The following TMEM135 variants were observed in gnomAD, a reference collection of about 807,000 sequenced individuals.
TMEM135 encodes the protein transmembrane protein 135, also known as peroxisomal membrane protein 52.
In TMEM135, 30 loss-of-function variants were observed where a neutral mutation model predicts 60.3. The observed-to-expected ratio is 0.50, with a 90% confidence interval of 0.37 to 0.68. The LOEUF (loss-of-function observed/expected upper bound fraction) is 0.68. Ranked by LOEUF, TMEM135 falls within the 30% of genes least tolerant of loss-of-function variation. The pLI, the probability that TMEM135 is intolerant of heterozygous loss-of-function variation, is 0.00. For missense variants in TMEM135, 468 were observed against 548.8 expected (o/e 0.85, Z 1.47); for synonymous variants, 190 against 186.7 (o/e 1.02, Z -0.14).
At chr11:87,047,579 C>G (rs952197753) in intron 1 of TMEM135, among the ~76,000 whole-genome samples, 1 of 76,734 alleles carries the variant, frequency 1.3e-5, no homozygotes, top group Non-Finnish European at 2.2e-5. Flanking sequence ...AATCGGGTCA[C>G]TCCCACCGAA....
At chr11:87,291,306 C>A (rs1417357869) in intron 6 of TMEM135, among the ~76,000 whole-genome samples, 1 of 152,054 alleles carries the variant, frequency 6.6e-6, no homozygotes, top group Admixed American at 6.6e-5. Context: ...CCGTATTATC[C>A]TTCCGTTTGA....
At chr11:87,145,501 T>TTCTA (rs951325798) in intron 4 of TMEM135, among the ~76,000 whole-genome samples, 1 of 152,174 alleles carries the variant, frequency 6.6e-6, no homozygotes, top group Non-Finnish European at 1.5e-5. Context: ...TTTGAGAAAC[T>TTCTA]TCTATACTTT....
intron 6 of TMEM135, among the ~76,000 whole-genome samples, chr11:87,241,733 T>A (rs139355769): frequency 5.3e-5 from 8 of 152,216 alleles, no homozygotes; most frequent in Non-Finnish European, 1.2e-4. Flanking sequence ...TGTCTTAATT[T>A]TTAGCTTTCA....
chr11:87,284,349 G>A (rs1942124954), intron 6 of TMEM135, among the ~76,000 whole-genome samples: 1 of 152,122 alleles, frequency 6.6e-6, no homozygotes, highest in East Asian at 1.9e-4. Context: ...TGGTTTCTTA[G>A]CAATTTAAGG....
chr11:87,111,776 C>T (rs1037498128), intron 4 of TMEM135, among the ~76,000 whole-genome samples: 1 of 152,074 alleles, frequency 6.6e-6, no homozygotes, highest in Non-Finnish European at 1.5e-5. Context: ...AAACATGCTC[C>T]CATACATTTT....
At chr11:87,058,969 G>T (rs951633258) in intron 1 of TMEM135, among the ~76,000 whole-genome samples, 24 of 151,206 alleles carry the variant, frequency 1.6e-4, no homozygotes, top group Admixed American at 3.3e-4. Flanking sequence ...ACAGAGTCTC[G>T]CTCTGTCACC....
At chr11:87,276,534 ATACT>A (rs1941969588) in intron 6 of TMEM135, among the ~76,000 whole-genome samples, 1 of 151,618 alleles carries the variant, frequency 6.6e-6, no homozygotes, top group Non-Finnish European at 1.5e-5. Context: ...ACACACATAT[ATACT>A]TAAGTTTATA....
intron 3 of TMEM135, among the ~76,000 whole-genome samples, chr11:87,079,041 T>A (rs3133319): frequency 0.27 from 41,454 of 152,008 alleles, 6,245 homozygotes; most frequent in East Asian, 0.52. Context: ...TCTTGCTCTG[T>A]CTCACACTCA....
At chr11:87,118,284 G>C (rs910018729) in intron 4 of TMEM135, among the ~76,000 whole-genome samples, 3 of 152,140 alleles carry the variant, frequency 2.0e-5, no homozygotes, top group African/African-American at 7.2e-5. Context: ...AAGTCAGTCT[G>C]TTCTCTAAAG....
intron 5 of TMEM135, among the ~76,000 whole-genome samples, chr11:87,213,785 G>A (rs578034702): frequency 2.0e-5 from 3 of 152,312 alleles, no homozygotes; most frequent in Admixed American, 1.3e-4. Context: ...TTCAATCAGC[G>A]TTGAATAGAA....
intron 6 of TMEM135, among the ~76,000 whole-genome samples, chr11:87,265,262 A>G (rs546782390): frequency 9.2e-4 from 140 of 152,020 alleles, no homozygotes; most frequent in Non-Finnish European, 6.9e-4. Context: ...GAATCTTTAC[A>G]CTCTGATAAT....
At chr11:87,188,263 C>T (rs1392619048) in intron 5 of TMEM135, among the ~76,000 whole-genome samples, 1 of 152,084 alleles carries the variant, frequency 6.6e-6, no homozygotes, top group Non-Finnish European at 1.5e-5. Flanking sequence ...TGGAGTTTCT[C>T]TAGGTTAATT....
chr11:87,097,351 GA>G (rs1857353791), intron 4 of TMEM135, among the ~76,000 whole-genome samples: 1 of 152,086 alleles, frequency 6.6e-6, no homozygotes. Context: ...AAAGCAACTG[GA>G]AAGTAAATTA....
intron 4 of TMEM135, among the ~76,000 whole-genome samples, chr11:87,127,979 A>T (rs1388377315): frequency 6.6e-6 from 1 of 152,204 alleles, no homozygotes; most frequent in South Asian, 2.1e-4. Flanking sequence ...AACTTTGAAC[A>T]TCTCTTAAAT....
At chr11:87,069,146 C>T (rs191381486) in intron 2 of TMEM135, among the ~76,000 whole-genome samples, 5 of 151,578 alleles carry the variant, frequency 3.3e-5, no homozygotes, top group Admixed American at 6.6e-5. Context: ...ATTAGCCGGG[C>T]GTGGTGGCAT....
chr11:87,222,793 G>C (rs1244985714), intron 5 of TMEM135, among the ~76,000 whole-genome samples: 1 of 150,838 alleles, frequency 6.6e-6, no homozygotes, highest in East Asian at 1.9e-4. Context: ...CAATAAGAGC[G>C]AAACTGTCTC....
chr11:87,139,738 T>C (rs924399619), intron 4 of TMEM135, among the ~76,000 whole-genome samples: 14 of 152,216 alleles, frequency 9.2e-5, no homozygotes, highest in African/African-American at 3.4e-4. Flanking sequence ...TTACTTGTTC[T>C]AGTGCATGTG....
chr11:87,212,245 A>AT lies in TMEM135; in HGVS notation c.463-24383dup, dbSNP rs550556537. On this transcript the variant is annotated intron_variant, in intron 5 of 14. Transcript: ENST00000305494. ...TTTCTACCCCAAGTAGCTGTTACGCATTTTTTTTTTCTAGTGAATGGTAGT... is the reference window on the plus strand; with the variant it reads ...TTTCTACCCCAAGTAGCTGTTACGCATTTTTTTTTTTCTAGTGAATGGTAGT... Among the ~76,000 whole-genome samples the AT allele has an allele frequency of 2.5e-3, 378 of 149,014 alleles. 2 individuals carry two copies. The highest frequency in any genetic ancestry group is 0.011 in the South Asian group (52 of 4,686).
chr11:87,142,113 G>GGT (rs1938277946), intron 4 of TMEM135, among the ~76,000 whole-genome samples: 2 of 152,172 alleles, frequency 1.3e-5, no homozygotes, highest in South Asian at 4.1e-4. Flanking sequence ...ATTATTTGCT[G>GGT]GTAGTGTAGA....
Sources: gnomAD v4.1 joint callset for allele counts (sites outside exome capture counted in the v4.1 genomes callset) on GRCh38, gnomAD v4.1.1 for gene constraint, MANE v1.5 for transcripts, NCBI Gene and HGNC (gene_info 2026-07-23, HGNC 2026-07-21) for gene names.